The following PPP1R9A variants were observed in gnomAD, a reference collection of about 807,000 sequenced individuals.
PPP1R9A encodes neurabin-1.
A neutral mutation model predicts 141.9 loss-of-function variants in PPP1R9A; 59 were observed. The ratio of observed to expected loss-of-function variants is 0.42; its 90% CI spans 0.34 to 0.52. PPP1R9A has a LOEUF of 0.52. Ranked by LOEUF, PPP1R9A falls within the 20% of genes least tolerant of loss-of-function variation. PPP1R9A has a pLI of 0.10. For synonymous variants in PPP1R9A, 500 were observed against 569.7 expected (o/e 0.88, Z 1.74); for missense variants, 1,444 against 1,611.9 (o/e 0.90, Z 1.78).
At chr7:95,093,511 A>G (rs952156722) in intron 2 of PPP1R9A, among the ~76,000 whole-genome samples, 7 of 152,190 alleles carry the variant, frequency 4.6e-5, no homozygotes, top group East Asian at 1.9e-4. Context: ...TTATTTTAGC[A>G]TTTCAAAATA....
chr7:95,279,992 A>G (rs1232630109), intron 16 of PPP1R9A, among the ~76,000 whole-genome samples: 1 of 152,192 alleles, frequency 6.6e-6, no homozygotes, highest in East Asian at 1.9e-4. Context: ...TGAACACTAC[A>G]GTGACCATCT....
rs577035144 is a variant in PPP1R9A, at chr7:95,247,694, A to G, written c.2166+168A>G. On this transcript the variant is annotated intron_variant, in intron 9 of 19. Transcript: ENST00000433360. ...TAGACAAACCTGCCAGTGAGAGCAA[A>G]CACCCACATCCCCCTCAGTGCAAAT... Among the ~76,000 whole-genome samples the G allele has an allele frequency of 4.9e-4, 74 of 152,290 alleles. 1 individual carries two copies. The highest frequency in any genetic ancestry group is 3.4e-3 in the Middle Eastern group (1 of 294).
At chr7:94,926,063 A>T (rs1793443420) in intron 2 of PPP1R9A, among the ~76,000 whole-genome samples, 1 of 152,092 alleles carries the variant, frequency 6.6e-6, no homozygotes, top group African/African-American at 2.4e-5. Context: ...CCTGGGCTCA[A>T]GCGATCCTCC....
chr7:95,110,046 A>T (rs1471743686), intron 2 of PPP1R9A, among the ~76,000 whole-genome samples: 1 of 152,162 alleles, frequency 6.6e-6, no homozygotes, highest in Non-Finnish European at 1.5e-5. Flanking sequence ...AAACATGTTG[A>T]AAGTCAAGAA....
chr7:95,002,195 T>C (rs770594678), intron 2 of PPP1R9A, among the ~76,000 whole-genome samples: 15 of 152,242 alleles, frequency 9.9e-5, no homozygotes, highest in Non-Finnish European at 2.2e-4. Context: ...AAACATGTTA[T>C]TAAAAATAAT....
In PPP1R9A at chr7:94,910,075, G is replaced by T. The variant is rs1791284622; in HGVS notation, c.-39G>T. On this transcript the variant is annotated 5_prime_UTR_variant, in exon 2 of 20. Coordinates refer to ENST00000433360, the MANE Select transcript of PPP1R9A (RefSeq NM_001166160.2). The surrounding 1 kb of genome is among the most constrained non-coding windows in gnomAD (Gnocchi z 4.5). ...ATCTTGGTTTTTGGTTTTTTTCTTT[G>T]ATCATTATGAACATTGGCTTTTCAC... 2 of 1,545,222 alleles carry T rather than the reference G, an allele frequency of 1.3e-6. No homozygotes were observed. Among genetic ancestry groups the T allele is most frequent in the Admixed American group, 2.1e-5 (1 of 47,328 alleles).
chr7:95,083,082 G>A (rs1314320128), intron 2 of PPP1R9A, among the ~76,000 whole-genome samples: 2 of 151,814 alleles, frequency 1.3e-5, no homozygotes, highest in Non-Finnish European at 2.9e-5. Context: ...CCATTGCAAG[G>A]TTCATGGCTG....
At chr7:95,087,891 T>A (rs1342703759) in intron 2 of PPP1R9A, among the ~76,000 whole-genome samples, 1 of 141,942 alleles carries the variant, frequency 7.0e-6, no homozygotes, top group Non-Finnish European at 1.5e-5. Context: ...TGAGACTCCA[T>A]CTCAAAAAAA....
chr7:95,288,480 A>ATATGAGCCATAGTATCTTGG (rs1805756713), intron 18 of PPP1R9A, 56 bp from the exon 19 acceptor site: 1 of 1,573,792 alleles, frequency 6.4e-7, no homozygotes, highest in South Asian at 1.2e-5. Flanking sequence ...TGATAGCATA[A>ATATGAGCCATAGTATCTTGG]TATGAGCCAT....
intron 2 of PPP1R9A, among the ~76,000 whole-genome samples, chr7:95,043,361 A>T (rs942669049): frequency 1.3e-5 from 2 of 152,220 alleles, no homozygotes; most frequent in Non-Finnish European, 2.9e-5. Flanking sequence ...CTATAAAATT[A>T]AAATATTTTG....
chr7:95,133,232 C>T (rs1004842616), intron 4 of PPP1R9A, among the ~76,000 whole-genome samples: 3 of 152,074 alleles, frequency 2.0e-5, no homozygotes, highest in African/African-American at 7.2e-5. Flanking sequence ...TAAAAGGCAT[C>T]AAGGAAGTTC....
chr7:95,286,261 G>A lies in PPP1R9A; in HGVS notation c.3665G>A (p.Ser1222Asn), dbSNP rs373061908. Reference protein sequence around the residue: ...SPSSTSSADLSGLGAEPKTPG... With the variant: ...SPSSTSSADLNGLGAEPKTPG... ...AGCAGTACCAGTTCAGCAGACCTCA[G>A]CGGCTTAGGAGCAGAACCTAAAACA... The change falls in exon 18 of 20, where the codon AGC becomes AAC. Residue 1222 changes from serine to asparagine, a missense_variant. Transcript: ENST00000433360. The A allele has an allele frequency of 1.9e-6, 3 of 1,613,670 alleles. No individual in the cohort carries two copies. Among genetic ancestry groups the A allele is most frequent in the Non-Finnish European group, 2.5e-6 (3 of 1,179,714 alleles).
chr7:95,274,046 T>C (rs779879931), intron 15 of PPP1R9A, 39 bp from the exon 16 acceptor site: 2 of 1,504,262 alleles, frequency 1.3e-6, no homozygotes, highest in South Asian at 2.3e-5. Flanking sequence ...AAAGAGAAAA[T>C]TTCAGCTTCC....
At chr7:95,019,372 G>A (rs1378408064) in intron 2 of PPP1R9A, among the ~76,000 whole-genome samples, 1 of 152,208 alleles carries the variant, frequency 6.6e-6, no homozygotes, top group African/African-American at 2.4e-5. Context: ...GATAGAGCGA[G>A]ACTCAGTCTC....
At position 95,170,860 on chromosome 7, in the gene PPP1R9A, T is replaced by C. The variant is rs140028981; in HGVS notation, c.1754+8889T>C. On this transcript the variant is annotated intron_variant, in intron 5 of 19. Transcript: ENST00000433360. Reference sequence around the variant, plus strand: ...ATTATTTAAAGGATTATTAACTTTTTAAAACAAAGGACATGACTGTGTTGT... The same window carrying C: ...ATTATTTAAAGGATTATTAACTTTTCAAAACAAAGGACATGACTGTGTTGT... Among the ~76,000 whole-genome samples the C allele has an allele frequency of 4.8e-3, 735 of 151,824 alleles. 5 individuals carry two copies. The highest frequency in any genetic ancestry group is 0.017 in the African/African-American group (693 of 41,544).
intron 2 of PPP1R9A, among the ~76,000 whole-genome samples, chr7:94,989,048 C>A (rs1009609005): frequency 7.2e-5 from 11 of 151,980 alleles, no homozygotes; most frequent in Non-Finnish European, 1.3e-4. Context: ...CAGTAGCTTT[C>A]AGATTTTAGC....
At chr7:95,232,475 G>A (rs1361107248) in intron 8 of PPP1R9A, among the ~76,000 whole-genome samples, 2 of 152,086 alleles carry the variant, frequency 1.3e-5, no homozygotes, top group Non-Finnish European at 2.9e-5. Flanking sequence ...AAGACTTCAT[G>A]ACTAAAACAC....
At chr7:95,111,193 A>T in intron 2 of PPP1R9A, 66 bp from the exon 3 acceptor site, 1 of 1,427,242 alleles carries the variant, frequency 7.0e-7, no homozygotes, top group Non-Finnish European at 9.5e-7. Context: ...AAACTTACAT[A>T]GTTTTGGATA....
intron 18 of PPP1R9A, among the ~76,000 whole-genome samples, chr7:95,287,370 A>G (rs563861258): frequency 6.6e-6 from 1 of 152,198 alleles, no homozygotes; most frequent in Admixed American, 6.5e-5. Context: ...TTTCTCTTCC[A>G]TCACCATTAC....
Sources: allele counts gnomAD v4.1 joint callset (sites outside exome capture counted in the v4.1 genomes callset), GRCh38; gene constraint gnomAD v4.1.1; non-coding constraint Gnocchi (gnomAD v3.1); transcripts MANE v1.5; gene names NCBI Gene and HGNC (gene_info 2026-07-23, HGNC 2026-07-21).